SPHKAP: variants seen among roughly 807,000 people sequenced by gnomAD.
SPHKAP encodes the protein SPHK1 interactor, AKAP domain containing, also known as A-kinase anchor protein SPHKAP.
Under a neutral mutation model 137.5 loss-of-function variants are expected in SPHKAP, and 67 were observed. That is an observed-to-expected ratio of 0.49 (90% CI 0.40 to 0.60). The LOEUF (loss-of-function observed/expected upper bound fraction) is 0.60, where lower values mean the gene tolerates loss of function less well. Among genes scored for constraint, SPHKAP ranks in the 20% least tolerant of loss-of-function variants. The pLI, the probability that SPHKAP is intolerant of heterozygous loss-of-function variation, is 0.00. For synonymous variants in SPHKAP, 813 were observed against 785.3 expected (o/e 1.04, Z -0.59); for missense variants, 2,097 against 2,069.3 (o/e 1.01, Z -0.26).
At chr2:228,164,599 A>G (rs895918607) in intron 1 of SPHKAP, among the ~76,000 whole-genome samples, 2 of 152,194 alleles carry the variant, frequency 1.3e-5, no homozygotes, top group Non-Finnish European at 2.9e-5. Flanking sequence ...AGCCACCTCT[A>G]CATTGAAAAC....
intron 3 of SPHKAP, among the ~76,000 whole-genome samples, chr2:228,099,586 G>GT (rs1698117800): frequency 6.6e-6 from 1 of 152,060 alleles, no homozygotes; most frequent in Admixed American, 6.6e-5. Context: ...TTTGATAAGA[G>GT]TAACACTGAA....
intron 7 of SPHKAP, among the ~76,000 whole-genome samples, chr2:228,010,265 G>C (rs1295723066): frequency 6.6e-6 from 1 of 152,172 alleles, no homozygotes; most frequent in Non-Finnish European, 1.5e-5. Context: ...AGTGGCTTAT[G>C]CTTATAATCG....
At chr2:228,022,185 A>G in intron 5 of SPHKAP, 1 of 985,438 alleles carries the variant, frequency 1.0e-6, no homozygotes, top group Non-Finnish European at 1.2e-6. Context: ...TTAGGGAAAA[A>G]TAGATCGGCT....
intron 1 of SPHKAP, among the ~76,000 whole-genome samples, chr2:228,145,105 C>T (rs917645309): frequency 6.6e-6 from 1 of 152,184 alleles, no homozygotes; most frequent in Non-Finnish European, 1.5e-5. Context: ...TGGAGCACTT[C>T]ACTGATTCTG....
At chr2:228,072,865 C>A (rs1317611436) in intron 3 of SPHKAP, among the ~76,000 whole-genome samples, 3 of 152,218 alleles carry the variant, frequency 2.0e-5, no homozygotes, top group African/African-American at 4.8e-5. Flanking sequence ...CAGCCCGCGG[C>A]CTTCCAGCCA....
intron 7 of SPHKAP, among the ~76,000 whole-genome samples, chr2:227,998,114 C>T (rs1693702526): frequency 6.6e-6 from 1 of 152,200 alleles, no homozygotes; most frequent in African/African-American, 2.4e-5. Flanking sequence ...ATAAGCAACT[C>T]CCCTGCCTCG....
chr2:228,116,511 A>G (rs1698714777), intron 2 of SPHKAP, among the ~76,000 whole-genome samples: 1 of 152,172 alleles, frequency 6.6e-6, no homozygotes. Context: ...CACAAAGAGC[A>G]GCTATTGTTA....
rs11346938 is a variant in SPHKAP, at chr2:228,069,449, C to CTT, written c.246+39381_246+39382dup. ...TTTCCTCTTTTTTCTTTCTTTCTTTCTTTTTTTTTTTTTTTAGAGATGGGG... is the reference window on the plus strand; with the variant it reads ...TTTCCTCTTTTTTCTTTCTTTCTTTCTTTTTTTTTTTTTTTTTAGAGATGGGG... On this transcript the variant is annotated intron_variant, in intron 3 of 11. Transcript: ENST00000392056. 2.1e-3 allele frequency among the ~76,000 whole-genome samples: 267 copies of CTT among 128,124 alleles called. 2 individuals are homozygous for CTT. Among genetic ancestry groups the CTT allele is most frequent in the African/African-American group, 6.2e-3 (207 of 33,584 alleles). 84.1% of individuals were successfully genotyped at this position (128,124 alleles called of 152,430 possible).
At chr2:228,040,728 C>T (rs10177882) in intron 3 of SPHKAP, among the ~76,000 whole-genome samples, 58,160 of 151,794 alleles carry the variant, frequency 0.38, 11,585 homozygotes, top group South Asian at 0.51. Context: ...ATTGTATTGA[C>T]AGCTTAAAAA....
intron 3 of SPHKAP, among the ~76,000 whole-genome samples, chr2:228,107,399 G>GT (rs1698376465): frequency 6.6e-6 from 1 of 152,060 alleles, no homozygotes; most frequent in African/African-American, 2.4e-5. Flanking sequence ...TTTTGTATAG[G>GT]TTTTTCCCAT....
At chr2:228,139,418 G>T (rs1376675563) in intron 1 of SPHKAP, among the ~76,000 whole-genome samples, 1 of 152,078 alleles carries the variant, frequency 6.6e-6, no homozygotes, top group Non-Finnish European at 1.5e-5. Flanking sequence ...TAAGAAAACA[G>T]CTGTACTTCC....
At chr2:228,145,839 G>C (rs1245758132) in intron 1 of SPHKAP, among the ~76,000 whole-genome samples, 2 of 152,122 alleles carry the variant, frequency 1.3e-5, no homozygotes, top group Non-Finnish European at 2.9e-5. Context: ...AAAAGACTGA[G>C]TTTCTGTCTT....
chr2:228,054,755 A>G (rs74809270), intron 3 of SPHKAP, among the ~76,000 whole-genome samples: 2 of 152,134 alleles, frequency 1.3e-5, no homozygotes, highest in South Asian at 2.1e-4. Flanking sequence ...GCTTTGAACT[A>G]TTAAATGTCT....
chr2:228,106,379 C>T (rs997043818), intron 3 of SPHKAP, among the ~76,000 whole-genome samples: 1 of 152,100 alleles, frequency 6.6e-6, no homozygotes, highest in African/African-American at 2.4e-5. Flanking sequence ...GCAAGAATAA[C>T]CTGGAGCTGG....
chr2:228,052,332 G>T (rs561282409), intron 3 of SPHKAP, among the ~76,000 whole-genome samples: 2 of 152,208 alleles, frequency 1.3e-5, no homozygotes, highest in Admixed American at 1.3e-4. Flanking sequence ...AAATATTTCA[G>T]ATCTGAAAAG....
chr2:228,069,687 C>T (rs763126316), intron 3 of SPHKAP, among the ~76,000 whole-genome samples: 7 of 151,898 alleles, frequency 4.6e-5, no homozygotes, highest in African/African-American at 9.7e-5. Flanking sequence ...CTGGCTAACA[C>T]TAACAGCAAA....
chr2:228,119,662 A>G (rs979900458), intron 2 of SPHKAP, among the ~76,000 whole-genome samples: 4 of 152,126 alleles, frequency 2.6e-5, no homozygotes, highest in Non-Finnish European at 5.9e-5. Flanking sequence ...TGAAATGCCT[A>G]TTTAAAGCAC....
At chr2:228,104,231 TTATATCATTATATTATATATTATA>T (rs1469976408) in intron 3 of SPHKAP, among the ~76,000 whole-genome samples, 19 of 104,226 alleles carry the variant, frequency 1.8e-4, no homozygotes, top group Non-Finnish European at 2.7e-4. Flanking sequence ...ATATTATATG[TTATATCATTATATTATATATTATA>T]TATATCATTA....
intron 1 of SPHKAP, among the ~76,000 whole-genome samples, chr2:228,144,284 T>G (rs1439328085): frequency 6.6e-6 from 1 of 152,222 alleles, no homozygotes; most frequent in African/African-American, 2.4e-5. Context: ...TTATTTATTT[T>G]ATGTGCCTCT....
Sources: allele counts gnomAD v4.1 joint callset (sites outside exome capture counted in the v4.1 genomes callset), GRCh38; gene constraint gnomAD v4.1.1; transcripts MANE v1.5; gene names NCBI Gene and HGNC (gene_info 2026-07-23, HGNC 2026-07-21).